The following CSMD1 variants were observed in gnomAD, a reference collection of about 807,000 sequenced individuals.
CSMD1 encodes the protein CUB and sushi domain-containing protein 1.
CSMD1 carries 213 observed loss-of-function variants against 417.5 expected under a neutral mutation model. The observed-to-expected ratio is 0.51, with a 90% CI of 0.46 to 0.57. CSMD1 has a LOEUF of 0.57. CSMD1 is among the 20% of genes least tolerant of loss of function. CSMD1 has a pLI of 0.00. For missense variants in CSMD1, 6,923 were observed against 4,529.7 expected (o/e 1.53, Z -15.17); for synonymous variants, 2,862 against 1,736.8 (o/e 1.65, Z -16.11).
intron 6 of CSMD1, among the ~76,000 whole-genome samples, chr8:3,723,143 T>C (rs1035700419): frequency 2.0e-5 from 3 of 152,148 alleles, no homozygotes; most frequent in Non-Finnish European, 4.4e-5. Flanking sequence ...GTTCTAGGAC[T>C]GAGGTTCCCA....
At chr8:3,771,470 G>C (rs927394351) in intron 5 of CSMD1, among the ~76,000 whole-genome samples, 61 of 152,160 alleles carry the variant, frequency 4.0e-4, no homozygotes, top group African/African-American at 1.4e-3. Context: ...GGGGCAAGCA[G>C]GGCCAGGCCA....
At chr8:4,124,703 C>T (rs1210552086) in intron 3 of CSMD1, among the ~76,000 whole-genome samples, 1 of 152,148 alleles carries the variant, frequency 6.6e-6, no homozygotes, top group Non-Finnish European at 1.5e-5. Flanking sequence ...AGGGACTTCC[C>T]TAAGGGGGCT....
rs930949335 is a variant in CSMD1, at chr8:4,161,558, T to C, written c.416-129459A>G. On this transcript the variant is annotated intron_variant, in intron 3 of 69. Coordinates refer to ENST00000635120, the MANE Select transcript of CSMD1 (RefSeq NM_033225.6). Reference sequence around the variant, plus strand: ...ACTGTGCACCTCCTACTACTTGACATTGTTTTGGACAGAGTTCATCAAGCG... The same window carrying C: ...ACTGTGCACCTCCTACTACTTGACACTGTTTTGGACAGAGTTCATCAAGCG... Among the ~76,000 whole-genome samples the C allele has an allele frequency of 4.6e-5, 7 of 152,186 alleles. No individual in the cohort carries two copies. The South Asian group carries it at 8.3e-4, about 18-fold the overall frequency.
chr8:3,139,711 G>A (rs1297901410), intron 41 of CSMD1, among the ~76,000 whole-genome samples: 3 of 152,152 alleles, frequency 2.0e-5, no homozygotes, highest in Non-Finnish European at 2.9e-5. Flanking sequence ...GTGTGTATGT[G>A]TGTGTGTCGA....
intron 3 of CSMD1, among the ~76,000 whole-genome samples, chr8:4,147,024 G>T (rs1031932028): frequency 6.6e-6 from 1 of 151,948 alleles, no homozygotes; most frequent in African/African-American, 2.4e-5. Flanking sequence ...AGGAGAGTCA[G>T]AGATCGGGGG....
intron 3 of CSMD1, among the ~76,000 whole-genome samples, chr8:4,296,696 G>GTTTTTTT (rs371696159): frequency 0.015 from 1,698 of 114,782 alleles, 29 homozygotes; most frequent in Non-Finnish European, 0.023. Flanking sequence ...GAAAATAAGG[G>GTTTTTTT]TTTTTTTTTT....
At chr8:3,525,869 G>C (rs1407419809) in intron 10 of CSMD1, among the ~76,000 whole-genome samples, 1 of 152,080 alleles carries the variant, frequency 6.6e-6, no homozygotes, top group Admixed American at 6.5e-5. Context: ...ATTAGAAAAT[G>C]TTATTAACTT....
chr8:4,884,826 A>C (rs1169431817), intron 1 of CSMD1, among the ~76,000 whole-genome samples: 1 of 152,168 alleles, frequency 6.6e-6, no homozygotes, highest in African/African-American at 2.4e-5. Context: ...CCCCTTTTCA[A>C]GACTACCTTG....
intron 12 of CSMD1, among the ~76,000 whole-genome samples, chr8:3,428,110 A>T (rs1467458909): frequency 6.6e-6 from 1 of 152,252 alleles, no homozygotes; most frequent in African/African-American, 2.4e-5. Flanking sequence ...AGCACCTGAA[A>T]TTTGAAATTA....
chr8:4,441,260 G>GT (rs34935169), intron 2 of CSMD1, among the ~76,000 whole-genome samples: 20,548 of 66,884 alleles, frequency 0.31, 4,231 homozygotes, highest in East Asian at 0.6. Context: ...ACTACACTCA[G>GT]TTTTTTTTTT....
chr8:4,725,862 T>G (rs921427159), intron 1 of CSMD1, among the ~76,000 whole-genome samples: 3 of 152,148 alleles, frequency 2.0e-5, no homozygotes, highest in African/African-American at 7.2e-5. Flanking sequence ...AGACCTACCC[T>G]CCGACATCTT....
intron 26 of CSMD1, among the ~76,000 whole-genome samples, chr8:3,232,240 A>G (rs1270691139): frequency 6.6e-6 from 1 of 152,210 alleles, no homozygotes; most frequent in Non-Finnish European, 1.5e-5. Flanking sequence ...ACTTTTAGCC[A>G]CATATATCAG....
intron 26 of CSMD1, among the ~76,000 whole-genome samples, chr8:3,266,051 C>A (rs188268861): frequency 1.3e-5 from 2 of 151,846 alleles, no homozygotes; most frequent in Non-Finnish European, 1.5e-5. Flanking sequence ...AAATAGAGAG[C>A]TTTGAAGTTA....
At chr8:4,533,276 C>A (rs1796930943) in intron 2 of CSMD1, among the ~76,000 whole-genome samples, 1 of 152,126 alleles carries the variant, frequency 6.6e-6, no homozygotes, top group Non-Finnish European at 1.5e-5. Flanking sequence ...CGCTTGCTCC[C>A]AAATATCATG....
chr8:3,515,244 A>G (rs1247474605), intron 10 of CSMD1: 2 of 152,214 alleles, frequency 1.3e-5, no homozygotes, highest in Admixed American at 6.5e-5. Flanking sequence ...TTTGTCCTTA[A>G]TATAAATAAC....
At chr8:4,833,909 G>A (rs1260989480) in intron 1 of CSMD1, among the ~76,000 whole-genome samples, 1 of 152,138 alleles carries the variant, frequency 6.6e-6, no homozygotes, top group Non-Finnish European at 1.5e-5. Flanking sequence ...TTGGATTGGT[G>A]TTCACCACCC....
chr8:3,963,141 A>G (rs530255227), intron 5 of CSMD1, among the ~76,000 whole-genome samples: 141 of 152,246 alleles, frequency 9.3e-4, no homozygotes, highest in African/African-American at 3.3e-3. Flanking sequence ...CATGTTGGCT[A>G]GGCTTGACTC....
intron 1 of CSMD1, among the ~76,000 whole-genome samples, chr8:4,911,582 G>T (rs938977381): frequency 6.6e-6 from 1 of 152,122 alleles, no homozygotes; most frequent in African/African-American, 2.4e-5. Context: ...CTGCATCCAG[G>T]GATCTCAGAG....
At chr8:4,579,057 C>T (rs2447698) in intron 2 of CSMD1, among the ~76,000 whole-genome samples, 69,398 of 151,302 alleles carry the variant, frequency 0.46, 16,232 homozygotes, top group Admixed American at 0.53. Flanking sequence ...CAAAAGATAT[C>T]TTTCTGCAAT....
Sources: allele counts gnomAD v4.1 joint callset (sites outside exome capture counted in the v4.1 genomes callset), GRCh38; gene constraint gnomAD v4.1.1; transcripts MANE v1.5; gene names NCBI Gene and HGNC (gene_info 2026-07-23, HGNC 2026-07-21).